Variants in TEDC1 observed in about 807,000 individuals in gnomAD.
TEDC1 encodes the protein tubulin epsilon and delta complex 1.
A neutral mutation model predicts 59.9 loss-of-function variants in TEDC1; 54 were observed. The observed-to-expected ratio is 0.90, with a 90% confidence interval of 0.72 to 1.13. TEDC1 has a LOEUF of 1.13. TEDC1 is among the 50% of genes most tolerant of loss of function. The pLI, the probability that TEDC1 is intolerant of heterozygous loss-of-function variation, is 0.00. For missense variants in TEDC1, 734 were observed against 683.4 expected (o/e 1.07, Z -0.83); for synonymous variants, 353 against 298.1 (o/e 1.18, Z -1.90).
In TEDC1 at chr14:105,492,092, G is replaced by C. The variant is rs781933301; in HGVS notation, c.227-15G>C. 1.3e-6 allele frequency: 2 copies of C among 1,579,452 alleles called. No homozygotes were observed. The highest frequency in any genetic ancestry group is 2.7e-5 in the African/African-American group (2 of 74,190). On this transcript the variant is annotated splice_polypyrimidine_tract_variant and intron_variant, in intron 2 of 8. Transcript: ENST00000392523. ...AGGTGGGTGGTCCCCCTAAGGTGGT[G>C]GTCTTCTGTCCTAGAGGTCCAAGCC...
chr14:105,496,073 C>T lies in TEDC1; in HGVS notation c.878C>T (p.Ser293Phe). ...GGGGCCTCAGCCTGCAGCCTGCTCT[C>T]CCCTTTTAGGGCGGTAAGTCGGGGA... ...PGGASACSLLSPFRALLRTLE... is the reference protein window; with the variant it reads ...PGGASACSLLFPFRALLRTLE... The change falls in exon 6 of 9, where the codon TCC becomes TTC. Residue 293 changes from serine to phenylalanine, a missense_variant. Transcript: ENST00000392523. 2 of 1,333,600 alleles carry T rather than the reference C, an allele frequency of 1.5e-6. No individual in the cohort carries two copies. The highest frequency in any genetic ancestry group is 2.0e-6 in the Non-Finnish European group (2 of 1,010,238). The allele number at this position is 1,333,600 out of a possible 1,614,324, so 82.6% of individuals were successfully genotyped here.
intron 4 of TEDC1, among the ~76,000 whole-genome samples, chr14:105,493,158 C>T (rs1595471805): frequency 6.6e-6 from 1 of 152,040 alleles, no homozygotes; most frequent in East Asian, 1.9e-4. Context: ...CTGTGGGGTC[C>T]TGAAGGTGGC....
intron 6 of TEDC1, chr14:105,496,860 T>C (rs587699707): frequency 2.0e-4 from 40 of 200,914 alleles, no homozygotes; most frequent in African/African-American, 8.8e-4. Context: ...CCTTAGGGGG[T>C]CCCTGAAGTT....
Position 105,491,461 on chromosome 14 carries a change from C to T in TEDC1, c.86C>T (p.Ser29Leu), listed in dbSNP as rs1555439240. ...GAGGCCATCGCCGCGTTGAGTCGGT[C>T]GCTGCCCTCGGGACCCAGCCCCGAG... Reference protein sequence around the residue: ...LPEAIAALSRSLPSGPSPEIF... With the variant: ...LPEAIAALSRLLPSGPSPEIF... Residue 29 changes from serine (S) to leucine (L), a missense_variant, in exon 1 of 9, where the codon TCG becomes TTG. Transcript: ENST00000392523. 6 of 1,464,462 alleles carry T rather than the reference C, an allele frequency of 4.1e-6. No homozygotes were observed. Among genetic ancestry groups the T allele is most frequent in the Middle Eastern group, 2.2e-4 (1 of 4,534 alleles). 90.7% of individuals were successfully genotyped at this position (1,464,462 alleles called of 1,614,324 possible). A position where few individuals can be genotyped will look rare whatever the true frequency, so the allele number is the denominator to read the frequency against.
In TEDC1 at chr14:105,498,704, C is replaced by T. The variant is rs782152844; in HGVS notation, c.1246C>T (p.Gln416Ter). ...AVEKELGALQ[Q>*]CWERDGGPAQ... ...GGAAAAGGAGCTGGGAGCTCTACAG[C>T]AGTGCTGGGAGCGAGACGGTGGCCC... Residue 416 changes from glutamine to a stop codon, truncating the protein, a stop_gained, in exon 9 of 9, where the codon CAG becomes TAG. Transcript: ENST00000392523. LOFTEE classifies it high-confidence loss of function. 7.1e-6 allele frequency: 11 copies of T among 1,553,636 alleles called. No individual in the cohort carries two copies. In the African/African-American group the frequency reaches 1.2e-4, roughly 17 times the overall value.
At chr14:105,491,219 G>T (rs1162954026), upstream of TEDC1, 4 of 1,543,140 alleles carry the variant, frequency 2.6e-6, no homozygotes, top group East Asian at 7.3e-5. Flanking sequence ...TTGGGCGCTG[G>T]ACCCGGCCCG....
chr14:105,493,369 C>T (rs1173860637), intron 4 of TEDC1, among the ~76,000 whole-genome samples: 10 of 152,146 alleles, frequency 6.6e-5, no homozygotes, highest in African/African-American at 2.4e-4. Flanking sequence ...TTGGCACCAG[C>T]TGCTCCGCTT....
At chr14:105,496,383 CCGCA>C in intron 6 of TEDC1, 1 of 407,822 alleles carries the variant, frequency 2.5e-6, no homozygotes, top group East Asian at 5.2e-5. Context: ...TATTCTCTGA[CCGCA>C]GGCCTGCCTG....
chr14:105,498,585 G>A (rs1204708172), intron 8 of TEDC1, 32 bp from the exon 9 acceptor site: 34 of 1,506,322 alleles, frequency 2.3e-5, no homozygotes, highest in Admixed American at 8.3e-5. Context: ...TGTCCTGGGG[G>A]GACAGAGCCA....
upstream of TEDC1, chr14:105,490,849 C>T: frequency 7.3e-6 from 5 of 681,706 alleles, no homozygotes; most frequent in Non-Finnish European, 1.3e-5. Flanking sequence ...TCTGCGCGCT[C>T]CCGCCCGGCG....
Position 105,496,137 on chromosome 14 carries a change from G to A in TEDC1, c.891+51G>A. 3.8e-6 allele frequency: 2 copies of A among 529,326 alleles called. 1 individual carries two copies. Among genetic ancestry groups the A allele is most frequent in the South Asian group, 3.9e-5 (2 of 51,406 alleles). 32.8% of individuals were successfully genotyped at this position (529,326 alleles called of 1,614,324 possible). A position where few individuals can be genotyped will look rare whatever the true frequency, so the allele number is the denominator to read the frequency against. On this transcript the variant is annotated intron_variant, in intron 6 of 8. Transcript: ENST00000392523. ...GTGGAGACCGCAGGACTTGGGGGTG[G>A]GTGGGAGGGGGTGGCGAGGGGGTGT...
Position 105,492,617 on chromosome 14 carries a change from C to T in TEDC1, c.468C>T (p.His156=). The change falls in exon 4 of 9, where the codon CAC becomes CAT. Residue 156 remains histidine, a synonymous_variant. Transcript: ENST00000392523. ...CCAGCCCTGGCCCACCTGCACCCCA[C>T]ATGGAAGCAGAGGGTCCTGTGGATG... The part of the protein sequence containing the change: ...ALASPGPPAP[H]MEAEGPVDVR... 1 of 1,542,258 alleles carries T rather than the reference C, an allele frequency of 6.5e-7. No homozygotes were observed. The highest frequency in any genetic ancestry group is 8.7e-7 in the Non-Finnish European group (1 of 1,146,876).
chr14:105,490,434 C>T (rs1555439005), upstream of TEDC1: 1 of 152,318 alleles, frequency 6.6e-6, no homozygotes, highest in African/African-American at 2.4e-5. Flanking sequence ...AGAAGCCAGC[C>T]CGACCTTCCA....
rs377631365 is a variant in TEDC1, at chr14:105,493,940, G to A, written c.684+7G>A. ...CCCAGAGGGAGGCCAGCAGGTGAGG[G>A]CGGGCAAGCTGCTGCGGGGGGGTGG... On this transcript the variant is annotated splice_region_variant and intron_variant, in intron 5 of 8. Transcript: ENST00000392523. 2.7e-5 allele frequency: 41 copies of A among 1,506,136 alleles called. No individual in the cohort carries two copies. The highest frequency in any genetic ancestry group is 3.5e-5 in the Admixed American group (2 of 57,826). 93.3% of individuals were successfully genotyped at this position (1,506,136 alleles called of 1,614,324 possible).
chr14:105,492,982 T>G (rs1425285278), intron 4 of TEDC1, among the ~76,000 whole-genome samples: 2 of 151,974 alleles, frequency 1.3e-5, no homozygotes, highest in Non-Finnish European at 2.9e-5. Context: ...GCTCACAGAA[T>G]TTGCCTTTCT....
intron 5 of TEDC1, 157 bp downstream of exon 5, chr14:105,494,090 T>A (rs1450389410): frequency 4.7e-6 from 3 of 643,592 alleles, no homozygotes; most frequent in Non-Finnish European, 8.2e-6. Flanking sequence ...CCAGCCTGGG[T>A]GACAGACAGC....
Position 105,498,830 on chromosome 14 carries a change from C to A in TEDC1, c.1372C>A (p.Gln458Lys), listed in dbSNP as rs369976314. 2 of 1,607,598 alleles carry A rather than the reference C, an allele frequency of 1.2e-6. No homozygotes were observed. The highest frequency in any genetic ancestry group is 1.7e-6 in the Non-Finnish European group (2 of 1,178,032). ...TGTGGTGATCAGGACGCTGAGGAGC[C>A]AGGAGGCCTGCCTGGAGGCGGTGCT... Reference protein sequence around the residue: ...AAVVIRTLRSQEACLEAVLRR... With the variant: ...AAVVIRTLRSKEACLEAVLRR... The change falls in exon 9 of 9, where the codon CAG (glutamine) becomes AAG (lysine). Residue 458 changes from glutamine (Q) to lysine (K), a missense_variant. Transcript: ENST00000392523.
At position 105,491,741 on chromosome 14, in the gene TEDC1, C is replaced by T. The variant is rs782533095; in HGVS notation, c.226+41C>T. 1.1e-5 allele frequency: 17 copies of T among 1,525,852 alleles called. No homozygotes were observed. In the African/African-American group the frequency reaches 2.1e-4, roughly 19 times the overall value. 94.5% of individuals were successfully genotyped at this position (1,525,852 alleles called of 1,614,324 possible). A position where few individuals can be genotyped will look rare whatever the true frequency, so the allele number is the denominator to read the frequency against. On this transcript the variant is annotated intron_variant, in intron 2 of 8. Coordinates refer to ENST00000392523, the MANE Select transcript of TEDC1 (RefSeq NM_001367178.1). ...GGCCCCGCCCACCCGGTAGCACTGGCCCCGCCTACTCCTGTAAAGCCCCGC... is the reference window on the plus strand; with the variant it reads ...GGCCCCGCCCACCCGGTAGCACTGGTCCCGCCTACTCCTGTAAAGCCCCGC...
intron 5 of TEDC1, chr14:105,494,252 G>T: frequency 2.4e-6 from 1 of 413,706 alleles, no homozygotes; most frequent in Non-Finnish European, 4.5e-6. Flanking sequence ...ACAGATCTCA[G>T]GTGTGAGCTG....
Sources: gnomAD v4.1 joint callset for allele counts (sites outside exome capture counted in the v4.1 genomes callset) on GRCh38, gnomAD v4.1.1 for gene constraint, MANE v1.5 for transcripts, NCBI Gene and HGNC (gene_info 2026-07-23, HGNC 2026-07-21) for gene names.